Variants in SMARCAL1 observed in about 807,000 individuals in gnomAD.
The protein encoded by SMARCAL1 is ATP-driven annealing helicase.
In SMARCAL1, 58 loss-of-function variants were observed where a neutral mutation model predicts 94.5. The observed-to-expected ratio is 0.61, with a 90% confidence interval of 0.50 to 0.76. The LOEUF (loss-of-function observed/expected upper bound fraction) is 0.76, where lower values mean the gene tolerates loss of function less well. SMARCAL1 is among the 30% of genes least tolerant of loss of function. The pLI, the probability that SMARCAL1 is intolerant of heterozygous loss-of-function variation, is 0.00. For synonymous variants in SMARCAL1, 422 were observed against 455.1 expected, an observed-to-expected ratio of 0.93 and a Z score of 0.93; for missense variants, 1,051 against 1,177.9, an observed-to-expected ratio of 0.89 and a Z score of 1.58.
chr2:216,469,455 T>G (rs182214551), intron 14 of SMARCAL1, among the ~76,000 whole-genome samples: 340 of 152,016 alleles, frequency 2.2e-3, no homozygotes, highest in Admixed American at 3.6e-3. Flanking sequence ...CTAATTTTTT[T>G]GTATTTTTAG....
At chr2:216,458,810 A>G (rs900106971) in intron 12 of SMARCAL1, among the ~76,000 whole-genome samples, 2 of 152,196 alleles carry the variant, frequency 1.3e-5, no homozygotes, top group African/African-American at 2.4e-5. Flanking sequence ...CCTATTCAGC[A>G]TAGTGTTGGA....
intron 7 of SMARCAL1, among the ~76,000 whole-genome samples, chr2:216,430,078 G>A (rs1574454845): frequency 6.6e-6 from 1 of 152,114 alleles, no homozygotes; most frequent in South Asian, 2.1e-4. Flanking sequence ...TTGGGCCCAC[G>A]TGTTGGGTGC....
At chr2:216,457,182 CAT>C (rs1030066873) in intron 12 of SMARCAL1, among the ~76,000 whole-genome samples, 1 of 152,170 alleles carries the variant, frequency 6.6e-6, no homozygotes, top group African/African-American at 2.4e-5. Context: ...CACCCAGAGT[CAT>C]AAAGCAAGTC....
intron 13 of SMARCAL1, among the ~76,000 whole-genome samples, chr2:216,465,158 A>G (rs1283363543): frequency 1.3e-5 from 2 of 152,188 alleles, no homozygotes; most frequent in African/African-American, 2.4e-5. Context: ...CAAGGGAAAA[A>G]TGAAAAAAGT....
At chr2:216,473,742 T>A (rs1695013225) in intron 14 of SMARCAL1, among the ~76,000 whole-genome samples, 1 of 152,218 alleles carries the variant, frequency 6.6e-6, no homozygotes, top group African/African-American at 2.4e-5. Context: ...ATTTTCCTTA[T>A]CATGTTTATC....
intron 5 of SMARCAL1, among the ~76,000 whole-genome samples, chr2:216,421,556 A>G (rs538690284): frequency 5.9e-5 from 9 of 152,128 alleles, no homozygotes; most frequent in African/African-American, 2.2e-4. Context: ...AAATGCTGGG[A>G]TTAATTACAG....
At position 216,447,051 on chromosome 2, in the gene SMARCAL1, C is replaced by T. The variant is rs755247940; in HGVS notation, c.1744C>T (p.Pro582Ser). Reference protein sequence around the residue: ...AKRVILLSGTPAMSRPAELYT... With the variant: ...AKRVILLSGTSAMSRPAELYT... ...GAGGGTGATCCTGTTGTCGGGCACA[C>T]CAGCCATGTCCCGGCCCGCAGAGCT... The change falls in exon 11 of 18, where the codon CCA (proline) becomes TCA (serine). Residue 582 changes from proline (P) to serine (S), a missense_variant. Around this residue, in one of 3 missense-constraint regions of SMARCAL1, gnomAD observed 642 missense variants for 754.7 expected, o/e 0.85. Transcript: ENST00000357276. 2 of 1,601,578 alleles carry T rather than the reference C, an allele frequency of 1.2e-6. No homozygotes were observed. The highest frequency in any genetic ancestry group is 1.7e-6 in the Non-Finnish European group (2 of 1,174,954).
At chr2:216,481,652 C>T (rs1695203394) in intron 17 of SMARCAL1, among the ~76,000 whole-genome samples, 2 of 151,822 alleles carry the variant, frequency 1.3e-5, no homozygotes, top group African/African-American at 4.8e-5. Flanking sequence ...TACAGGCACG[C>T]ACCACCATGT....
chr2:216,475,259 G>T lies in SMARCAL1; in HGVS notation c.2245-10G>T, dbSNP rs759266842. ...GTTGCCCACCTTGCTTCTGCCCCTT[G>T]TTCCTGCAGCACGTGCAGCACATCC... On this transcript the variant is annotated splice_polypyrimidine_tract_variant and intron_variant, in intron 14 of 17. Coordinates refer to ENST00000357276, the MANE Select transcript of SMARCAL1 (RefSeq NM_014140.4). This position sits in a 1 kb window ranked among gnomAD's most constrained non-coding sequence, Gnocchi z 4.4. 3 of 1,613,930 alleles carry T rather than the reference G, an allele frequency of 1.9e-6. No individual in the cohort carries two copies. In the East Asian group the frequency reaches 6.7e-5, roughly 36 times the overall value.
At chr2:216,424,642 G>A (rs1033207324) in intron 6 of SMARCAL1, among the ~76,000 whole-genome samples, 3 of 152,014 alleles carry the variant, frequency 2.0e-5, no homozygotes, top group African/African-American at 7.3e-5. Flanking sequence ...GTGACATTGG[G>A]TAAATAATTA....
At chr2:216,460,262 G>C (rs1019374035) in intron 12 of SMARCAL1, among the ~76,000 whole-genome samples, 1 of 152,202 alleles carries the variant, frequency 6.6e-6, no homozygotes, top group Middle Eastern at 3.2e-3. Context: ...TTCAACCACT[G>C]TGGAAGTCAG....
intron 4 of SMARCAL1, 28 bp downstream of exon 4, chr2:216,416,335 A>G: frequency 6.3e-7 from 1 of 1,588,518 alleles, no homozygotes; most frequent in Non-Finnish European, 8.6e-7. Context: ...TGTCTCATGG[A>G]GGGTGGCACT....
chr2:216,480,546 CAT>C (rs201691261), intron 17 of SMARCAL1, among the ~76,000 whole-genome samples: 1,976 of 152,236 alleles, frequency 0.013, 40 homozygotes, highest in African/African-American at 0.045. Flanking sequence ...TGGAGGAGGA[CAT>C]GTGGGTTATT....
At chr2:216,427,745 C>G (rs1326166102) in intron 6 of SMARCAL1, among the ~76,000 whole-genome samples, 3 of 152,088 alleles carry the variant, frequency 2.0e-5, no homozygotes, top group Non-Finnish European at 4.4e-5. Flanking sequence ...TTGGAGGTAG[C>G]AGTAGATGGC....
chr2:216,447,033 AT>A lies in SMARCAL1; in HGVS notation c.1727del (p.Ile576ThrfsTer58), dbSNP rs1265248594. ...TGTCTTTTAGGTTGCCAAGAGGGTG[AT>A]CCTGTTGTCGGGCACACCAGCCATG... The part of the protein sequence containing the change: ...MPVLKVAKRV[I>X]LLSGTPAMSR... On this transcript the variant is annotated frameshift_variant, in exon 11 of 18. Coordinates refer to ENST00000357276, the MANE Select transcript of SMARCAL1 (RefSeq NM_014140.4). LOFTEE classifies it high-confidence loss of function. 1 of 1,613,804 alleles carries A rather than the reference AT, an allele frequency of 6.2e-7. No individual in the cohort carries two copies. The highest frequency in any genetic ancestry group is 1.3e-5 in the African/African-American group (1 of 74,828).
chr2:216,463,855 C>T (rs1694765909), intron 12 of SMARCAL1, among the ~76,000 whole-genome samples: 1 of 152,174 alleles, frequency 6.6e-6, no homozygotes, highest in East Asian at 1.9e-4. Context: ...CCAGCCTGGC[C>T]AACATGGTGA....
intron 12 of SMARCAL1, among the ~76,000 whole-genome samples, chr2:216,462,263 A>G (rs1694722320): frequency 6.6e-6 from 1 of 152,174 alleles, no homozygotes. Flanking sequence ...ATTAGGGAGT[A>G]TGGCATGAGT....
chr2:216,458,207 A>G (rs1694614506), intron 12 of SMARCAL1, among the ~76,000 whole-genome samples: 1 of 152,182 alleles, frequency 6.6e-6, no homozygotes, highest in Non-Finnish European at 1.5e-5. Context: ...TTACCAACCA[A>G]AAAAAATCCA....
At chr2:216,457,278 A>G (rs1694588021) in intron 12 of SMARCAL1, among the ~76,000 whole-genome samples, 1 of 152,236 alleles carries the variant, frequency 6.6e-6, no homozygotes, top group Admixed American at 6.5e-5. Flanking sequence ...TAGACAGATC[A>G]ACGAGACAGA....
Sources: gnomAD v4.1 joint callset for allele counts (sites outside exome capture counted in the v4.1 genomes callset) on GRCh38, gnomAD v4.1.1 for gene constraint, gnomAD v4.1.1 regional missense constraint, Gnocchi (gnomAD v3.1) non-coding constraint, MANE v1.5 for transcripts, NCBI Gene and HGNC (gene_info 2026-07-23, HGNC 2026-07-21) for gene names.